Variants in ANO2 observed in about 807,000 individuals in gnomAD.
ANO2 encodes the protein anoctamin 2, also known as anoctamin-2.
Under a neutral mutation model 124.2 loss-of-function variants are expected in ANO2, and 101 were observed. The observed-to-expected ratio is 0.81, with a 90% CI of 0.69 to 0.96. ANO2 has a LOEUF of 0.96. ANO2 is among the 40% of genes least tolerant of loss of function. ANO2 has a pLI of 0.00. For missense variants in ANO2, 1,293 were observed against 1,274.5 expected, an observed-to-expected ratio of 1.01 and a Z score of -0.22; for synonymous variants, 486 against 482.5, an observed-to-expected ratio of 1.01 and a Z score of -0.09.
chr12:5,628,059 C>T (rs970481666), intron 16 of ANO2, among the ~76,000 whole-genome samples: 4 of 152,174 alleles, frequency 2.6e-5, no homozygotes, highest in Admixed American at 6.5e-5. Context: ...ATGACCATGC[C>T]GCTGCACCCC....
chr12:5,590,831 T>C (rs142478949), intron 20 of ANO2, among the ~76,000 whole-genome samples: 1 of 152,286 alleles, frequency 6.6e-6, no homozygotes, highest in African/African-American at 2.4e-5. Context: ...CCAATGGAAT[T>C]TCCCCTTTGT....
intron 1 of ANO2, among the ~76,000 whole-genome samples, chr12:5,941,460 A>C (rs1206058535): frequency 2.0e-5 from 3 of 152,176 alleles, no homozygotes; most frequent in Non-Finnish European, 4.4e-5. Context: ...ACAGCACCTC[A>C]GAAACTAGTA....
At chr12:5,937,230 T>C (rs561478762) in intron 1 of ANO2, among the ~76,000 whole-genome samples, 1 of 152,366 alleles carries the variant, frequency 6.6e-6, no homozygotes, top group African/African-American at 2.4e-5. Flanking sequence ...AGTTATCTCC[T>C]GACTTTTTTA....
chr12:5,887,237 T>C, intron 3 of ANO2, among the ~76,000 whole-genome samples: 1 of 152,184 alleles, frequency 6.6e-6, no homozygotes, highest in East Asian at 1.9e-4. Context: ...AAAGAGGAGA[T>C]ACATTCACTG....
At chr12:5,841,616 C>T (rs943622584) in intron 4 of ANO2, among the ~76,000 whole-genome samples, 8 of 152,194 alleles carry the variant, frequency 5.3e-5, no homozygotes, top group Admixed American at 4.6e-4. Flanking sequence ...GCTGCTCCCA[C>T]CCTGGCTCCC....
chr12:5,844,905 CT>C (rs146149600), intron 4 of ANO2, among the ~76,000 whole-genome samples: 4,732 of 150,608 alleles, frequency 0.031, 229 homozygotes, highest in African/African-American at 0.11. Flanking sequence ...TTTGACTGTC[CT>C]GGTAAATTGT....
intron 13 of ANO2, chr12:5,733,121 T>A: frequency 1.7e-6 from 1 of 583,810 alleles, no homozygotes; most frequent in East Asian, 2.9e-5. Context: ...GCTCCATTAT[T>A]CTCTGAGCTA....
intron 3 of ANO2, among the ~76,000 whole-genome samples, chr12:5,859,947 C>T (rs1189740285): frequency 2.0e-5 from 3 of 152,174 alleles, no homozygotes; most frequent in South Asian, 4.1e-4. Context: ...CATCTTGAAC[C>T]TGTGCCCTGC....
intron 10 of ANO2, among the ~76,000 whole-genome samples, chr12:5,762,881 A>G (rs1320018782): frequency 6.6e-6 from 1 of 152,090 alleles, no homozygotes; most frequent in Non-Finnish European, 1.5e-5. Context: ...GTGTCTTACC[A>G]AAATAATTTA....
At chr12:5,747,599 C>A (rs190539251) in intron 11 of ANO2, among the ~76,000 whole-genome samples, 2 of 152,268 alleles carry the variant, frequency 1.3e-5, no homozygotes, top group African/African-American at 4.8e-5. Context: ...TAATTTTAAA[C>A]GTTTTTGACT....
At chr12:5,820,215 T>G (rs1953742160) in intron 7 of ANO2, among the ~76,000 whole-genome samples, 1 of 152,176 alleles carries the variant, frequency 6.6e-6, no homozygotes, top group Non-Finnish European at 1.5e-5. Flanking sequence ...CTGTTAATCT[T>G]TCTCCCATCC....
At chr12:5,571,846 C>A (rs1390795629) in intron 23 of ANO2, among the ~76,000 whole-genome samples, 2 of 152,182 alleles carry the variant, frequency 1.3e-5, no homozygotes, top group Non-Finnish European at 2.9e-5. Context: ...CAGTCAAGTT[C>A]ACACAGCAGG....
chr12:5,645,206 C>A (rs374298715), intron 15 of ANO2, among the ~76,000 whole-genome samples: 1 of 152,174 alleles, frequency 6.6e-6, no homozygotes, highest in South Asian at 2.1e-4. Context: ...TGCTGTATTA[C>A]GGATAATTTA....
At chr12:5,919,943 C>T (rs531549840) in intron 3 of ANO2, among the ~76,000 whole-genome samples, 25 of 151,886 alleles carry the variant, frequency 1.6e-4, no homozygotes, top group African/African-American at 2.4e-4. Flanking sequence ...GTGATCCGCC[C>T]GCCTCAGCCT....
chr12:5,890,018 G>C lies in ANO2; in HGVS notation c.534+31022C>G, dbSNP rs78734042. ...AATAGGACTCACCAGGTCCCCTCCA[G>C]TCTGTGGCCCTGGGGCTTAAAATTC... On this transcript the variant is annotated intron_variant, in intron 3 of 24. Transcript: ENST00000682330. Among the ~76,000 whole-genome samples the C allele has an allele frequency of 5.4e-3, 823 of 152,018 alleles. 6 individuals carry two copies. Among genetic ancestry groups the C allele is most frequent in the African/African-American group, 0.019 (799 of 41,396 alleles).
intron 7 of ANO2, among the ~76,000 whole-genome samples, chr12:5,812,213 G>A (rs1056244986): frequency 7.6e-6 from 1 of 131,928 alleles, no homozygotes; most frequent in Admixed American, 7.8e-5. Flanking sequence ...GAAAAGGGAA[G>A]GAAAGGGAAG....
intron 4 of ANO2, among the ~76,000 whole-genome samples, chr12:5,836,934 C>T (rs1954340086): frequency 6.6e-6 from 1 of 152,194 alleles, no homozygotes; most frequent in South Asian, 2.1e-4. Flanking sequence ...CCTACCAAAC[C>T]ATAATCCCAT....
chr12:5,793,478 G>A (rs1169212871), intron 10 of ANO2, among the ~76,000 whole-genome samples: 2 of 152,212 alleles, frequency 1.3e-5, no homozygotes, highest in East Asian at 1.9e-4. Context: ...GGCCAAGACA[G>A]CACAAACATA....
At chr12:5,722,560 G>A (rs1054757308) in intron 14 of ANO2, among the ~76,000 whole-genome samples, 11 of 152,166 alleles carry the variant, frequency 7.2e-5, no homozygotes, top group Non-Finnish European at 1.5e-4. Context: ...ACACTGCTGA[G>A]GTAATACTGT....
Sources: gnomAD v4.1 joint callset for allele counts (sites outside exome capture counted in the v4.1 genomes callset) on GRCh38, gnomAD v4.1.1 for gene constraint, MANE v1.5 for transcripts, NCBI Gene and HGNC (gene_info 2026-07-23, HGNC 2026-07-21) for gene names.